The following BTBD8 variants were observed in gnomAD, a reference collection of about 807,000 sequenced individuals.
BTBD8 encodes the protein BTB domain containing 8.
Under a neutral mutation model 162.9 loss-of-function variants are expected in BTBD8, and 110 were observed. The ratio of observed to expected loss-of-function variants is 0.68; its 90% CI spans 0.58 to 0.79. The LOEUF is 0.79. BTBD8 is among the 30% of genes least tolerant of loss of function. The pLI is 0.00. For synonymous variants in BTBD8, 667 were observed against 716.1 expected, an observed-to-expected ratio of 0.93 and a Z score of 1.10; for missense variants, 1,905 against 2,085.4, an observed-to-expected ratio of 0.91 and a Z score of 1.68.
chr1:92,096,095 A>G (rs926436267), intron 2 of BTBD8, among the ~76,000 whole-genome samples: 15 of 151,600 alleles, frequency 9.9e-5, no homozygotes, highest in African/African-American at 3.4e-4. Context: ...CCTCAGTCTC[A>G]CAAGTAGCTG....
rs1027125943 is a variant in BTBD8, at chr1:92,182,096, T to G, written c.4413T>G (p.Val1471=). The G allele has an allele frequency of 6.4e-7, 1 of 1,551,440 alleles. No homozygotes were observed. The highest frequency in any genetic ancestry group is 8.7e-7 in the Non-Finnish European group (1 of 1,146,928). ...TAGATTCTTTTTCACCTTCTGATGTTTTTGATGGCATTTCTCATGAACATC... is the reference window on the plus strand; with the variant it reads ...TAGATTCTTTTTCACCTTCTGATGTGTTTGATGGCATTTCTCATGAACATC... ...ASVDSFSPSD[V]FDGISHEHHG... The change falls in exon 17 of 18, where the codon GTT becomes GTG. Residue 1471 remains valine (V), a synonymous_variant. Transcript: ENST00000636805.
chr1:92,133,159 G>A (rs1313894668), intron 5 of BTBD8, among the ~76,000 whole-genome samples: 1 of 152,076 alleles, frequency 6.6e-6, no homozygotes, highest in Non-Finnish European at 1.5e-5. Flanking sequence ...TGTAAACCTG[G>A]GCAGATGTTT....
At chr1:92,105,559 T>C (rs1274031204) in intron 3 of BTBD8, among the ~76,000 whole-genome samples, 2 of 152,224 alleles carry the variant, frequency 1.3e-5, no homozygotes, top group African/African-American at 4.8e-5. Context: ...AGCCAAAATA[T>C]ATCTTAAATA....
At chr1:92,144,119 G>A (rs950002938) in intron 7 of BTBD8, among the ~76,000 whole-genome samples, 2 of 150,342 alleles carry the variant, frequency 1.3e-5, no homozygotes, top group Non-Finnish European at 3.0e-5. Flanking sequence ...GACTACAGAC[G>A]CGTGCCACCA....
intron 4 of BTBD8, chr1:92,114,801 C>G (rs541173706): frequency 3.5e-6 from 1 of 288,186 alleles, no homozygotes; most frequent in East Asian, 9.0e-5. Context: ...TCCAGGGGAT[C>G]TTACTCTTTG....
intron 4 of BTBD8, among the ~76,000 whole-genome samples, chr1:92,114,009 C>G (rs1443783784): frequency 1.4e-5 from 1 of 69,390 alleles, no homozygotes; most frequent in African/African-American, 6.7e-5. Flanking sequence ...GAGACTCCGT[C>G]TCAAAAAAAA....
Position 92,156,622 on chromosome 1 carries a change from T to A in BTBD8, c.1122+8836T>A, listed in dbSNP as rs571375998. ...TATTACAGCTCAATCTCCTACACATTATCAGTCTGTTCAGATTTTCTATTT... is the reference window on the plus strand; with the variant it reads ...TATTACAGCTCAATCTCCTACACATAATCAGTCTGTTCAGATTTTCTATTT... On this transcript the variant is annotated intron_variant, in intron 9 of 17. Transcript: ENST00000636805. 2.6e-5 allele frequency among the ~76,000 whole-genome samples: 4 copies of A among 152,314 alleles called. No individual in the cohort carries two copies. In the East Asian group the frequency reaches 5.8e-4, roughly 22 times the overall value.
Position 92,139,448 on chromosome 1 carries a change from A to G in BTBD8, c.833+18A>G, listed in dbSNP as rs1649715308. 1 of 1,593,410 alleles carries G rather than the reference A, an allele frequency of 6.3e-7. No individual in the cohort carries two copies. Among genetic ancestry groups the G allele is most frequent in the East Asian group, 2.3e-5 (1 of 44,320 alleles). On this transcript the variant is annotated intron_variant, in intron 6 of 17. Transcript: ENST00000636805. ...AATGTTGGGTATGTATTCCTTTTTA[A>G]TAATTTAAAATATAAAAGAGTTAGG...
At chr1:92,097,683 A>G (rs2101899424) in intron 2 of BTBD8, among the ~76,000 whole-genome samples, 1 of 152,278 alleles carries the variant, frequency 6.6e-6, no homozygotes, top group East Asian at 1.9e-4. Context: ...TGGTATTTTC[A>G]CAGTTCATCT....
chr1:92,090,491 A>G (rs1648266516), intron 2 of BTBD8, among the ~76,000 whole-genome samples: 1 of 152,040 alleles, frequency 6.6e-6, no homozygotes, highest in South Asian at 2.1e-4. Flanking sequence ...GGCTGTCTTT[A>G]TATTATTGAC....
chr1:92,088,671 A>G, intron 1 of BTBD8, 27 bp from the exon 2 acceptor site: 1 of 1,490,668 alleles, frequency 6.7e-7, no homozygotes, highest in South Asian at 1.4e-5. Context: ...CACTAATTAA[A>G]CTATGATTCC....
At chr1:92,128,884 G>A (rs1186103400) in intron 4 of BTBD8, among the ~76,000 whole-genome samples, 4 of 151,886 alleles carry the variant, frequency 2.6e-5, no homozygotes, top group South Asian at 2.1e-4. Flanking sequence ...TTCCCAGGTC[G>A]TTTAAATTGG....
chr1:92,080,595 T>TGCG lies in BTBD8; in HGVS notation c.27_29dup (p.Ala10dup). The TGCG allele has an allele frequency of 6.2e-7, 1 of 1,614,016 alleles. No individual in the cohort carries two copies. Among genetic ancestry groups the TGCG allele is most frequent in the Non-Finnish European group, 8.5e-7 (1 of 1,179,942 alleles). On this transcript the variant is annotated inframe_insertion, in exon 1 of 18. Transcript: ENST00000636805. Reference sequence around the variant, plus strand: ...ACATGGCTCGCTGTGGGGAAGGCAGTGCGGCCCCCATGGTACTTCTGGGGT... The same window carrying TGCG: ...ACATGGCTCGCTGTGGGGAAGGCAGTGCGGCGGCCCCCATGGTACTTCTGGGGT...
At chr1:92,129,907 C>CA in intron 5 of BTBD8, 131 bp downstream of exon 5, 2 of 792,392 alleles carry the variant, frequency 2.5e-6, no homozygotes, top group Non-Finnish European at 4.2e-6. Flanking sequence ...CAACAAAGTA[C>CA]ATTTTCTGAA....
intron 4 of BTBD8, among the ~76,000 whole-genome samples, chr1:92,112,611 A>G (rs921331790): frequency 6.6e-6 from 1 of 152,208 alleles, no homozygotes; most frequent in Non-Finnish European, 1.5e-5. Context: ...TCAATTAACT[A>G]AACAACTATT....
chr1:92,107,343 A>C (rs2101907161), intron 3 of BTBD8, among the ~76,000 whole-genome samples: 1 of 152,326 alleles, frequency 6.6e-6, no homozygotes, highest in Middle Eastern at 3.4e-3. Context: ...CTGCATAATG[A>C]CATTTTGGTC....
chr1:92,086,633 A>G (rs1281980499), intron 1 of BTBD8, among the ~76,000 whole-genome samples: 2 of 151,990 alleles, frequency 1.3e-5, no homozygotes, highest in African/African-American at 4.8e-5. Flanking sequence ...TCTGTCTCAA[A>G]AAAAAAAAGG....
At chr1:92,084,234 A>T (rs907632967) in intron 1 of BTBD8, among the ~76,000 whole-genome samples, 8 of 151,694 alleles carry the variant, frequency 5.3e-5, no homozygotes, top group Non-Finnish European at 1.2e-4. Context: ...TTTTCATCTA[A>T]CTCCTCTTCT....
At chr1:92,153,511 A>T (rs989874262) in intron 9 of BTBD8, among the ~76,000 whole-genome samples, 6 of 152,174 alleles carry the variant, frequency 3.9e-5, no homozygotes, top group African/African-American at 1.4e-4. Context: ...ATGCCCAATG[A>T]TAGCAACTCC....
Sources: gnomAD v4.1 joint callset for allele counts (sites outside exome capture counted in the v4.1 genomes callset) on GRCh38, gnomAD v4.1.1 for gene constraint, MANE v1.5 for transcripts, NCBI Gene and HGNC (gene_info 2026-07-23, HGNC 2026-07-21) for gene names.